Variants in TRPM3 observed in about 807,000 individuals in gnomAD.
The protein encoded by TRPM3 is transient receptor potential cation channel subfamily M member 3.
Under a neutral mutation model 181.2 loss-of-function variants are expected in TRPM3, and 77 were observed. The ratio of observed to expected loss-of-function variants is 0.42; its 90% CI spans 0.35 to 0.51. The LOEUF (loss-of-function observed/expected upper bound fraction) is 0.51, where lower values mean the gene tolerates loss of function less well. TRPM3 is among the 20% of genes least tolerant of loss of function. The pLI is 0.01. For synonymous variants in TRPM3, 745 were observed against 796.4 expected, an observed-to-expected ratio of 0.94 and a Z score of 1.09; for missense variants, 1,759 against 2,196.7, an observed-to-expected ratio of 0.80 and a Z score of 3.98.
intron 12 of TRPM3, among the ~76,000 whole-genome samples, chr9:70,634,629 T>A (rs2066543535): frequency 6.6e-6 from 1 of 152,166 alleles, no homozygotes; most frequent in South Asian, 2.1e-4. Context: ...GGCTTCCTCA[T>A]CTGTAAAATG....
intron 8 of TRPM3, among the ~76,000 whole-genome samples, chr9:70,693,338 C>T (rs981484270): frequency 2.6e-5 from 4 of 152,124 alleles, no homozygotes; most frequent in Non-Finnish European, 4.4e-5. Context: ...TATTTGTTAC[C>T]TTCCATCTTG....
intron 1 of TRPM3, among the ~76,000 whole-genome samples, chr9:70,937,339 C>A (rs1386211345): frequency 6.6e-6 from 1 of 152,146 alleles, no homozygotes; most frequent in Non-Finnish European, 1.5e-5. Context: ...CCCTCTTTGG[C>A]AGTGTACCAT....
chr9:71,040,624 C>A (rs1055207422), intron 1 of TRPM3, among the ~76,000 whole-genome samples: 1 of 151,948 alleles, frequency 6.6e-6, no homozygotes, highest in Non-Finnish European at 1.5e-5. Context: ...TCAATGGATG[C>A]CAAAACAAGA....
At chr9:71,112,306 T>C (rs147577561) in intron 1 of TRPM3, among the ~76,000 whole-genome samples, 1,733 of 152,270 alleles carry the variant, frequency 0.011, 124 homozygotes, top group Admixed American at 0.1. Context: ...ATGAGATAAT[T>C]TTTATCTCTC....
At chr9:70,972,418 C>T (rs2097256740) in intron 1 of TRPM3, among the ~76,000 whole-genome samples, 1 of 152,096 alleles carries the variant, frequency 6.6e-6, no homozygotes, top group Non-Finnish European at 1.5e-5. Flanking sequence ...TAAATGTTCA[C>T]AATAGGCAAA....
intron 1 of TRPM3, among the ~76,000 whole-genome samples, chr9:71,158,728 T>G (rs2076126455): frequency 6.6e-6 from 1 of 152,130 alleles, no homozygotes; most frequent in Non-Finnish European, 1.5e-5. Context: ...CAAAAATTAT[T>G]TCTGGTCCTG....
chr9:71,088,921 A>G (rs1177498946), intron 1 of TRPM3, among the ~76,000 whole-genome samples: 1 of 151,686 alleles, frequency 6.6e-6, no homozygotes, highest in East Asian at 1.9e-4. Context: ...GTATAATGGA[A>G]ACTTGGGGTG....
intron 7 of TRPM3, among the ~76,000 whole-genome samples, chr9:70,769,395 C>T (rs1453852327): frequency 6.6e-6 from 1 of 152,098 alleles, no homozygotes; most frequent in South Asian, 2.1e-4. Context: ...AACTTCACCT[C>T]CTTTTTCTTT....
Position 71,051,609 on chromosome 9 carries a change from G to C in TRPM3, c.177+69569C>G, listed in dbSNP as rs894173293. Reference sequence around the variant, plus strand: ...GTGAAAATGGCGGCGGGGTGGGGGGGTTATATAGTCTTATTGTACATTCCA... The same window carrying C: ...GTGAAAATGGCGGCGGGGTGGGGGGCTTATATAGTCTTATTGTACATTCCA... On this transcript the variant is annotated intron_variant, in intron 1 of 25. Transcript: ENST00000677713. Among the ~76,000 whole-genome samples, 3 of 152,132 alleles carry C rather than the reference G, an allele frequency of 2.0e-5. No individual in the cohort carries two copies. The East Asian group carries it at 5.8e-4, about 29-fold the overall frequency.
chr9:70,815,155 A>G (rs926772764), intron 6 of TRPM3, among the ~76,000 whole-genome samples: 1 of 152,094 alleles, frequency 6.6e-6, no homozygotes, highest in Admixed American at 6.6e-5. Flanking sequence ...ATACAGTTGT[A>G]CTATGTACAA....
chr9:70,975,113 C>G (rs929769157), intron 1 of TRPM3, among the ~76,000 whole-genome samples: 2 of 151,960 alleles, frequency 1.3e-5, no homozygotes, highest in African/African-American at 4.8e-5. Flanking sequence ...AGGTGATCTG[C>G]CATCTCAGAC....
At chr9:71,291,256 A>G (rs568476512) in intron 1 of TRPM3, among the ~76,000 whole-genome samples, 38 of 152,262 alleles carry the variant, frequency 2.5e-4, no homozygotes, top group Middle Eastern at 3.4e-3. Context: ...ATTCACAACA[A>G]TCAGTCAGAA....
chr9:70,557,475 G>T (rs142416288), intron 22 of TRPM3, among the ~76,000 whole-genome samples: 138 of 152,246 alleles, frequency 9.1e-4, no homozygotes, highest in African/African-American at 3.3e-3. Context: ...TCCTTGTTCT[G>T]GGTAGTTACC....
chr9:70,606,641 G>GTA, intron 19 of TRPM3, among the ~76,000 whole-genome samples: 1 of 74,120 alleles, frequency 1.3e-5, no homozygotes, highest in Non-Finnish European at 3.3e-5. Context: ...GTGTGTGTGT[G>GTA]TGTGTGTGTG....
At chr9:71,004,941 A>T (rs1428712712) in intron 1 of TRPM3, among the ~76,000 whole-genome samples, 1 of 152,228 alleles carries the variant, frequency 6.6e-6, no homozygotes, top group African/African-American at 2.4e-5. Context: ...AATAAAAATG[A>T]ATAAAAAAGA....
intron 1 of TRPM3, among the ~76,000 whole-genome samples, chr9:70,970,355 A>G (rs2097230366): frequency 6.6e-6 from 1 of 152,208 alleles, no homozygotes; most frequent in Non-Finnish European, 1.5e-5. Flanking sequence ...CTTTAAAGTC[A>G]TTCAAAAACA....
At chr9:71,166,395 G>A (rs1020564393) in intron 1 of TRPM3, among the ~76,000 whole-genome samples, 4 of 152,100 alleles carry the variant, frequency 2.6e-5, no homozygotes, top group African/African-American at 9.7e-5. Flanking sequence ...CTAGAGCTTA[G>A]GCCTAGTCTC....
At position 70,866,071 on chromosome 9, in the gene TRPM3, G is replaced by A. The variant is rs190117873; in HGVS notation, c.178-1560C>T. ...TTGTAACAAAAATGAGCTTAGCAGCGTAGACAGCCAGTCTTTTTCTTTGTA... is the reference window on the plus strand; with the variant it reads ...TTGTAACAAAAATGAGCTTAGCAGCATAGACAGCCAGTCTTTTTCTTTGTA... On this transcript the variant is annotated intron_variant, in intron 1 of 25. Coordinates refer to ENST00000677713, the MANE Select transcript of TRPM3 (RefSeq NM_001366145.2). 7.9e-5 allele frequency among the ~76,000 whole-genome samples: 12 copies of A among 152,152 alleles called. No individual in the cohort carries two copies. The East Asian group carries it at 1.2e-3, about 15-fold the overall frequency.
chr9:71,177,445 T>C (rs978488145), intron 1 of TRPM3, among the ~76,000 whole-genome samples: 1 of 152,134 alleles, frequency 6.6e-6, no homozygotes, highest in Non-Finnish European at 1.5e-5. Flanking sequence ...TTACACAGCA[T>C]AGCCTAGGCT....
Sources: allele counts gnomAD v4.1 joint callset (sites outside exome capture counted in the v4.1 genomes callset), GRCh38; gene constraint gnomAD v4.1.1; transcripts MANE v1.5; gene names NCBI Gene and HGNC (gene_info 2026-07-23, HGNC 2026-07-21).